Variants in ATF7IP2 observed in about 807,000 individuals in gnomAD.
The protein encoded by ATF7IP2 is activating transcription factor 7-interacting protein 2.
A neutral mutation model predicts 64.2 loss-of-function variants in ATF7IP2; 42 were observed. The observed-to-expected ratio is 0.65, with a 90% CI of 0.51 to 0.85. ATF7IP2 has a LOEUF of 0.85. ATF7IP2 is among the 40% of genes least tolerant of loss of function. ATF7IP2 has a pLI of 0.00. For missense variants in ATF7IP2, 933 were observed against 784.2 expected (o/e 1.19, Z -2.27); for synonymous variants, 308 against 272.8 (o/e 1.13, Z -1.27).
At chr16:10,427,917 T>C (rs1340579467) in intron 3 of ATF7IP2, among the ~76,000 whole-genome samples, 3 of 150,148 alleles carry the variant, frequency 2.0e-5, no homozygotes, top group African/African-American at 7.3e-5. Flanking sequence ...GATAAACAAA[T>C]TTTGGTATAT....
At chr16:10,440,999 G>A (rs955645736) in intron 8 of ATF7IP2, among the ~76,000 whole-genome samples, 1 of 152,166 alleles carries the variant, frequency 6.6e-6, no homozygotes, top group Admixed American at 6.6e-5. Context: ...AGAACATGTA[G>A]TGTTTGGTTT....
intron 2 of ATF7IP2, among the ~76,000 whole-genome samples, chr16:10,419,070 C>T (rs1185278150): frequency 6.6e-6 from 1 of 152,172 alleles, no homozygotes; most frequent in African/African-American, 2.4e-5. Context: ...TCTTCCCAAA[C>T]AAGTACGTTC....
intron 12 of ATF7IP2, among the ~76,000 whole-genome samples, chr16:10,479,951 G>A (rs937410034): frequency 1.5e-4 from 21 of 136,912 alleles, no homozygotes; most frequent in Non-Finnish European, 2.8e-4. Flanking sequence ...ATTTAGAACT[G>A]GAAATACTTT....
At chr16:10,415,868 A>T (rs1011469957) in intron 2 of ATF7IP2, among the ~76,000 whole-genome samples, 7 of 152,234 alleles carry the variant, frequency 4.6e-5, no homozygotes, top group African/African-American at 1.7e-4. Context: ...AATGTCATTG[A>T]TCATCAACAA....
intron 10 of ATF7IP2, 84 bp from the exon 11 acceptor site, chr16:10,473,395 C>T: frequency 1.2e-6 from 1 of 804,138 alleles, no homozygotes; most frequent in Non-Finnish European, 2.1e-6. Flanking sequence ...AATTAGCATC[C>T]CTATTATTTT....
chr16:10,449,038 C>G (rs536498705), intron 8 of ATF7IP2: 157 of 152,218 alleles, frequency 1.0e-3, no homozygotes, highest in African/African-American at 3.6e-3. Context: ...TGAATTTTGT[C>G]AAAGGCCTTT....
At chr16:10,441,280 T>G (rs2048612589) in intron 8 of ATF7IP2, among the ~76,000 whole-genome samples, 1 of 152,172 alleles carries the variant, frequency 6.6e-6, no homozygotes, top group Non-Finnish European at 1.5e-5. Context: ...ATGGGATTGC[T>G]GGGTCATGTG....
chr16:10,412,266 T>C (rs1025056152), intron 1 of ATF7IP2, among the ~76,000 whole-genome samples: 5 of 152,058 alleles, frequency 3.3e-5, no homozygotes, highest in African/African-American at 1.2e-4. Flanking sequence ...GGTGTGACCT[T>C]AGATTGTCTG....
intron 3 of ATF7IP2, among the ~76,000 whole-genome samples, chr16:10,421,186 A>G (rs1439053312): frequency 3.3e-5 from 5 of 152,174 alleles, no homozygotes; most frequent in Admixed American, 2.6e-4. Context: ...AATTTGATCT[A>G]AATAAGGAGT....
chr16:10,435,286 A>G (rs1207454271), intron 6 of ATF7IP2, among the ~76,000 whole-genome samples: 3 of 152,244 alleles, frequency 2.0e-5, no homozygotes, highest in African/African-American at 7.2e-5. Flanking sequence ...CATAAGGAGC[A>G]TGGCCGGGTT....
intron 9 of ATF7IP2, among the ~76,000 whole-genome samples, chr16:10,463,794 C>A (rs949117851): frequency 1.3e-5 from 2 of 152,206 alleles, no homozygotes; most frequent in African/African-American, 4.8e-5. Context: ...TACAATATTT[C>A]AATCTATTCA....
intron 9 of ATF7IP2, among the ~76,000 whole-genome samples, chr16:10,466,271 T>G (rs1484032359): frequency 6.6e-6 from 1 of 152,266 alleles, no homozygotes; most frequent in African/African-American, 2.4e-5. Context: ...TCTGTTTAGT[T>G]CAGTTCATTG....
intron 3 of ATF7IP2, among the ~76,000 whole-genome samples, chr16:10,423,559 A>G (rs1246883046): frequency 2.6e-5 from 4 of 152,166 alleles, no homozygotes; most frequent in African/African-American, 9.7e-5. Flanking sequence ...GCACTGCCCA[A>G]ACAGTTACTG....
intron 1 of ATF7IP2, among the ~76,000 whole-genome samples, chr16:10,400,134 G>A (rs531186232): frequency 1.2e-4 from 19 of 152,238 alleles, no homozygotes; most frequent in African/African-American, 3.1e-4. Context: ...TCCATCGCCC[G>A]GGCTCAAGCC....
intron 1 of ATF7IP2, among the ~76,000 whole-genome samples, chr16:10,407,615 T>C (rs1257949978): frequency 6.6e-6 from 1 of 152,226 alleles, no homozygotes; most frequent in Non-Finnish European, 1.5e-5. Context: ...AATAGTCTCA[T>C]TTATAATATT....
chr16:10,460,518 G>C (rs1195490140), intron 9 of ATF7IP2, among the ~76,000 whole-genome samples: 1 of 152,182 alleles, frequency 6.6e-6, no homozygotes, highest in African/African-American at 2.4e-5. Flanking sequence ...TGGACAAATA[G>C]ACCAGTGTAA....
intron 11 of ATF7IP2, 27 bp from the exon 12 acceptor site, chr16:10,473,894 CTT>C (rs56766112): frequency 8.0e-3 from 8,154 of 1,019,402 alleles, no homozygotes; most frequent in South Asian, 0.012. Flanking sequence ...TGAGGCAAAG[CTT>C]TTTTTTTTTT....
chr16:10,414,824 A>G (rs963273971), intron 2 of ATF7IP2, among the ~76,000 whole-genome samples: 2 of 152,082 alleles, frequency 1.3e-5, no homozygotes, highest in African/African-American at 4.8e-5. Flanking sequence ...CCCTTGATGC[A>G]GTACTCTTCC....
At chr16:10,387,795 T>C (rs1431525426) in intron 1 of ATF7IP2, 1 of 151,692 alleles carries the variant, frequency 6.6e-6, no homozygotes, top group African/African-American at 2.4e-5. Flanking sequence ...AAAAATCTTA[T>C]TCTCTCATTC....
Sources: allele counts gnomAD v4.1 joint callset (sites outside exome capture counted in the v4.1 genomes callset), GRCh38; gene constraint gnomAD v4.1.1; transcripts MANE v1.5; gene names NCBI Gene and HGNC (gene_info 2026-07-23, HGNC 2026-07-21).